KDM4C: variants seen among roughly 807,000 people sequenced by gnomAD.
KDM4C encodes lysine-specific demethylase 4C.
Under a neutral mutation model 129.3 loss-of-function variants are expected in KDM4C, and 81 were observed. The observed-to-expected ratio is 0.63, with a 90% CI of 0.52 to 0.75. The LOEUF (loss-of-function observed/expected upper bound fraction) is 0.75, where lower values mean the gene tolerates loss of function less well. Ranked by LOEUF, KDM4C falls within the 30% of genes least tolerant of loss-of-function variation. KDM4C has a pLI of 0.00. For synonymous variants in KDM4C, 573 were observed against 456.1 expected, an observed-to-expected ratio of 1.26 and a Z score of -3.26; for missense variants, 1,457 against 1,304.0, an observed-to-expected ratio of 1.12 and a Z score of -1.81.
chr9:6,771,989 T>G (rs1821941742), intron 1 of KDM4C, among the ~76,000 whole-genome samples: 2 of 152,204 alleles, frequency 1.3e-5, no homozygotes, highest in South Asian at 4.1e-4. Context: ...CCAGCAGGCT[T>G]TCAGTGTGAA....
At position 6,758,201 on chromosome 9, in the gene KDM4C, C is replaced by T. The variant is rs1360875499; in HGVS notation, c.-20C>T. ...CGTGCTCTCGCCCCAACCCGCGCGC[C>T]AGGTAACCGCTTTTCCGGAGTCTGG... is the stretch of plus-strand genomic sequence containing the variant. On this transcript the variant is annotated splice_region_variant and 5_prime_UTR_variant, in exon 1 of 22. Transcript: ENST00000381309. The surrounding 1 kb of genome is among the most constrained non-coding windows in gnomAD (Gnocchi z 4.6). The T allele has an allele frequency of 1.0e-6, 1 of 985,800 alleles. No individual in the cohort carries two copies. The highest frequency in any genetic ancestry group is 1.1e-4 in the East Asian group (1 of 8,850). 61.1% of individuals were successfully genotyped at this position (985,800 alleles called of 1,614,324 possible).
At chr9:6,795,446 C>T (rs866323225) in intron 2 of KDM4C, among the ~76,000 whole-genome samples, 11 of 152,220 alleles carry the variant, frequency 7.2e-5, no homozygotes, top group African/African-American at 2.7e-4. Flanking sequence ...ATTCTCCTGC[C>T]TCAGCCTCCT....
intron 19 of KDM4C, among the ~76,000 whole-genome samples, chr9:7,130,638 C>T (rs891147467): frequency 6.6e-6 from 1 of 152,232 alleles, no homozygotes; most frequent in African/African-American, 2.4e-5. Flanking sequence ...ACAGCAGTTG[C>T]ATATGCCCAT....
chr9:7,054,460 C>A (rs934906953), intron 17 of KDM4C, among the ~76,000 whole-genome samples: 3 of 152,032 alleles, frequency 2.0e-5, no homozygotes, highest in Non-Finnish European at 4.4e-5. Flanking sequence ...ACAGAATGGC[C>A]TATTTTGTTT....
upstream of KDM4C, among the ~76,000 whole-genome samples, chr9:6,754,167 A>G (rs1818166766): frequency 1.3e-5 from 2 of 149,214 alleles, no homozygotes; most frequent in Admixed American, 6.7e-5. Context: ...TGAGCTACCG[A>G]GCCCAGCCTC....
At chr9:7,070,292 GTAT>G (rs563451337) in intron 17 of KDM4C, among the ~76,000 whole-genome samples, 101 of 152,264 alleles carry the variant, frequency 6.6e-4, no homozygotes, top group African/African-American at 2.4e-3. Context: ...GTAAATTTCA[GTAT>G]TATGATGTAA....
At chr9:6,884,711 A>G (rs1249931420) in intron 6 of KDM4C, among the ~76,000 whole-genome samples, 1 of 152,180 alleles carries the variant, frequency 6.6e-6, no homozygotes, top group Non-Finnish European at 1.5e-5. Flanking sequence ...TATCTTCACC[A>G]AATTAGTGTT....
intron 15 of KDM4C, among the ~76,000 whole-genome samples, chr9:7,019,726 T>TATATA (rs1352478022): frequency 1.0e-3 from 108 of 103,806 alleles, no homozygotes; most frequent in Non-Finnish European, 1.8e-3. Context: ...AATATAATAT[T>TATATA]TTTATATATA....
chr9:7,163,332 C>G (rs1844007943), intron 19 of KDM4C, among the ~76,000 whole-genome samples: 1 of 152,148 alleles, frequency 6.6e-6, no homozygotes, highest in Non-Finnish European at 1.5e-5. Context: ...TTGAATGTAT[C>G]CCACAGGGTC....
At chr9:6,814,281 C>G (rs1036890487) in intron 3 of KDM4C, among the ~76,000 whole-genome samples, 2 of 152,060 alleles carry the variant, frequency 1.3e-5, no homozygotes, top group East Asian at 3.9e-4. Flanking sequence ...AGTGTTATGT[C>G]ATTTTTATAT....
chr9:6,823,040 G>C (rs1056857902), intron 4 of KDM4C, among the ~76,000 whole-genome samples: 13 of 152,174 alleles, frequency 8.5e-5, no homozygotes, highest in Non-Finnish European at 1.3e-4. Context: ...TCTTCTCGTG[G>C]TAATGCTTCA....
At chr9:7,027,549 A>G (rs1372459090) in intron 15 of KDM4C, among the ~76,000 whole-genome samples, 3 of 152,198 alleles carry the variant, frequency 2.0e-5, no homozygotes, top group African/African-American at 7.2e-5. Flanking sequence ...CAAGCACAGC[A>G]TTAGATCTCA....
chr9:6,999,150 T>C (rs1820314945), intron 12 of KDM4C, among the ~76,000 whole-genome samples: 1 of 152,254 alleles, frequency 6.6e-6, no homozygotes, highest in Non-Finnish European at 1.5e-5. Context: ...TGTTGCCCTT[T>C]ACCTTTTGTA....
At chr9:6,987,383 A>G (rs1817915467) in intron 11 of KDM4C, among the ~76,000 whole-genome samples, 1 of 152,224 alleles carries the variant, frequency 6.6e-6, no homozygotes, top group East Asian at 1.9e-4. Context: ...TACAGTATTA[A>G]TATTCCATAT....
chr9:7,026,686 C>T (rs1825871696), intron 15 of KDM4C, among the ~76,000 whole-genome samples: 1 of 152,152 alleles, frequency 6.6e-6, no homozygotes. Context: ...CTACCCTCAT[C>T]TGTTTCTCTG....
At chr9:7,052,352 A>G (rs1026493593) in intron 17 of KDM4C, among the ~76,000 whole-genome samples, 3 of 152,246 alleles carry the variant, frequency 2.0e-5, no homozygotes, top group African/African-American at 7.2e-5. Flanking sequence ...ATGTATGTGT[A>G]TATGCACATA....
chr9:6,803,942 C>T (rs1442076241), intron 2 of KDM4C, among the ~76,000 whole-genome samples: 1 of 152,010 alleles, frequency 6.6e-6, no homozygotes, highest in Non-Finnish European at 1.5e-5. Context: ...CCTGCCTCAG[C>T]CTCTCGAGTA....
intron 3 of KDM4C, among the ~76,000 whole-genome samples, chr9:6,806,278 T>C (rs1471789007): frequency 2.6e-5 from 4 of 152,110 alleles, no homozygotes; most frequent in Admixed American, 2.6e-4. Flanking sequence ...GCGGATCACC[T>C]GAGGTCGGGA....
In KDM4C at chr9:7,164,369, T is replaced by G. The variant is rs1844139632; in HGVS notation, c.2782-869T>G. On this transcript the variant is annotated intron_variant, in intron 19 of 21. Coordinates refer to ENST00000381309, the MANE Select transcript of KDM4C (RefSeq NM_015061.6). ...ACGCCTTAAAAAAACAAAAAGCACC[T>G]TTCAGGATTAATCACCTGGGGAGTT... 2.2e-5 allele frequency among the ~76,000 whole-genome samples: 3 copies of G among 139,372 alleles called. No individual in the cohort carries two copies. The South Asian group carries it at 6.7e-4, about 31-fold the overall frequency. 91.4% of individuals were successfully genotyped at this position (139,372 alleles called of 152,430 possible).
Sources: allele counts gnomAD v4.1 joint callset (sites outside exome capture counted in the v4.1 genomes callset), GRCh38; gene constraint gnomAD v4.1.1; non-coding constraint Gnocchi (gnomAD v3.1); transcripts MANE v1.5; gene names NCBI Gene and HGNC (gene_info 2026-07-23, HGNC 2026-07-21).